Variants in FAM240B observed in about 807,000 individuals in gnomAD.
FAM240B encodes the protein family with sequence similarity 240 member B.
At chr9:38,707,848 A>G (rs1821209045) in intron 1 of FAM240B, among the ~76,000 whole-genome samples, 1 of 151,860 alleles carries the variant, frequency 6.6e-6, no homozygotes, top group Non-Finnish European at 1.5e-5. Flanking sequence ...GCTATGAAGT[A>G]TCTGATGCAT....
Position 38,718,087 on chromosome 9 carries a change from C to A in FAM240B, c.-4+1935G>T, listed in dbSNP as rs1267857477. Among the ~76,000 whole-genome samples, 6 of 152,154 alleles carry A rather than the reference C, an allele frequency of 3.9e-5. No homozygotes were observed. The East Asian group carries it at 1.2e-3, about 29-fold the overall frequency. On this transcript the variant is annotated intron_variant, in intron 1 of 2. Transcript: ENST00000637493. The stretch of plus-strand genomic sequence containing the variant: ...ACACTGTTTTGCATTTTGCCTTTTT[C>A]AACTAAGAAAATATTTGCTTGTCAG...
intron 2 of FAM240B, among the ~76,000 whole-genome samples, chr9:38,701,846 A>C (rs1038385462): frequency 2.0e-5 from 3 of 152,160 alleles, no homozygotes; most frequent in Non-Finnish European, 4.4e-5. Context: ...CCATTTTTAT[A>C]ACTTATTTTT....
intron 2 of FAM240B, among the ~76,000 whole-genome samples, chr9:38,703,007 G>T (rs1177953629): frequency 6.6e-6 from 1 of 152,148 alleles, no homozygotes; most frequent in African/African-American, 2.4e-5. Flanking sequence ...GGTGGCCTTG[G>T]TTCTCAAAAT....
chr9:38,707,618 A>C (rs374072667), intron 1 of FAM240B, among the ~76,000 whole-genome samples: 8,308 of 143,710 alleles, frequency 0.058, 330 homozygotes, highest in Non-Finnish European at 0.086. Flanking sequence ...AAAAACAAAA[A>C]AAAAAAACAA....
intron 2 of FAM240B, among the ~76,000 whole-genome samples, chr9:38,695,479 C>A (rs1328869728): frequency 6.6e-6 from 1 of 152,148 alleles, no homozygotes; most frequent in Non-Finnish European, 1.5e-5. Flanking sequence ...GAGCTGAGAT[C>A]GTGCCACTGC....
intron 2 of FAM240B, among the ~76,000 whole-genome samples, chr9:38,703,437 A>G (rs1821152749): frequency 6.6e-6 from 1 of 152,208 alleles, no homozygotes. Context: ...AACAACTCCT[A>G]TAGCCCAAAT....
At chr9:38,704,562 TA>T (rs1280307119) in intron 1 of FAM240B, among the ~76,000 whole-genome samples, 1 of 152,224 alleles carries the variant, frequency 6.6e-6, no homozygotes, top group Non-Finnish European at 1.5e-5. Context: ...TTAGCTTTCT[TA>T]AAAAACTATC....
chr9:38,707,495 G>C (rs192882982), intron 1 of FAM240B, among the ~76,000 whole-genome samples: 8 of 152,000 alleles, frequency 5.3e-5, no homozygotes, highest in African/African-American at 1.7e-4. Flanking sequence ...TGGGCCAGAC[G>C]TGGTGGCTCA....
intron 2 of FAM240B, among the ~76,000 whole-genome samples, chr9:38,695,724 A>G (rs535141942): frequency 6.6e-6 from 1 of 152,338 alleles, no homozygotes; most frequent in South Asian, 2.1e-4. Flanking sequence ...CAACTTCTAT[A>G]TGGAAAGGCA....
intron 1 of FAM240B, among the ~76,000 whole-genome samples, chr9:38,708,314 C>G (rs572405393): frequency 1.1e-4 from 16 of 152,158 alleles, no homozygotes; most frequent in Non-Finnish European, 2.1e-4. Context: ...CATGGGGCAG[C>G]CCCCTATCCT....
In FAM240B at chr9:38,718,511, T is replaced by C. The variant is rs546099642; in HGVS notation, c.-4+1511A>G. On this transcript the variant is annotated intron_variant, in intron 1 of 2. Coordinates refer to ENST00000637493, the MANE Select transcript of FAM240B (RefSeq NM_001394922.1). ...GGTCTTGGACTCAGGAGAACATATC[T>C]GAATGGACCACCTTAAGACAGACCC... Among the ~76,000 whole-genome samples, 488 of 152,272 alleles carry C rather than the reference T, an allele frequency of 3.2e-3. 1 individual carries two copies. Among genetic ancestry groups the C allele is most frequent in the Non-Finnish European group, 5.6e-3 (384 of 68,022 alleles).
At chr9:38,708,717 AG>A (rs1205917571) in intron 1 of FAM240B, among the ~76,000 whole-genome samples, 2 of 152,218 alleles carry the variant, frequency 1.3e-5, no homozygotes, top group African/African-American at 4.8e-5. Context: ...ATGCTTGTTC[AG>A]GGGACTCACA....
chr9:38,712,532 G>C, intron 1 of FAM240B, among the ~76,000 whole-genome samples: 1 of 152,064 alleles, frequency 6.6e-6, no homozygotes, highest in Non-Finnish European at 1.5e-5. Context: ...TCCTGTATTC[G>C]TGAGCGAGAA....
Position 38,696,551 on chromosome 9 carries a change from G to A in FAM240B, c.144-1682C>T, listed in dbSNP as rs75722812. 3.0e-3 allele frequency among the ~76,000 whole-genome samples: 455 copies of A among 152,236 alleles called. 4 individuals carry two copies. Among genetic ancestry groups the A allele is most frequent in the African/African-American group, 0.01 (426 of 41,530 alleles). Reference sequence around the variant, plus strand: ...AGAATGAGGCACATGGGGCAGTACCGTCAAGACATTCATTCTGGGAGGCCA... The same window carrying A: ...AGAATGAGGCACATGGGGCAGTACCATCAAGACATTCATTCTGGGAGGCCA... On this transcript the variant is annotated intron_variant, in intron 2 of 2. Transcript: ENST00000637493.
chr9:38,714,550 C>A (rs1205703419), intron 1 of FAM240B, among the ~76,000 whole-genome samples: 1 of 152,158 alleles, frequency 6.6e-6, no homozygotes, highest in Non-Finnish European at 1.5e-5. Flanking sequence ...AACAAATACC[C>A]CCTTAAATAA....
chr9:38,704,415 G>A (rs1008945790), intron 1 of FAM240B, among the ~76,000 whole-genome samples: 13 of 151,916 alleles, frequency 8.6e-5, no homozygotes, highest in African/African-American at 2.9e-4. Flanking sequence ...CTCTACCTAC[G>A]AATATCAATT....
intron 2 of FAM240B, among the ~76,000 whole-genome samples, chr9:38,703,572 C>T (rs772823101): frequency 6.6e-6 from 1 of 152,228 alleles, no homozygotes; most frequent in Admixed American, 6.5e-5. Context: ...CCCACCTGAC[C>T]AAAACCAGGA....
At chr9:38,718,910 T>A (rs1273063909) in intron 1 of FAM240B, among the ~76,000 whole-genome samples, 2 of 151,554 alleles carry the variant, frequency 1.3e-5, no homozygotes, top group African/African-American at 4.8e-5. Flanking sequence ...ATGTTTTTTA[T>A]TTTATGAATT....
intron 2 of FAM240B, among the ~76,000 whole-genome samples, chr9:38,702,611 A>T (rs959753715): frequency 1.3e-5 from 2 of 152,218 alleles, no homozygotes; most frequent in African/African-American, 4.8e-5. Context: ...TGGCCCTGGC[A>T]TTCAGACTGA....
Sources: allele counts gnomAD v4.1 joint callset (sites outside exome capture counted in the v4.1 genomes callset), GRCh38; gene constraint gnomAD v4.1.1; transcripts MANE v1.5; gene names NCBI Gene and HGNC (gene_info 2026-07-23, HGNC 2026-07-21).